HECTD3: variants seen among roughly 807,000 people sequenced by gnomAD.
HECTD3 encodes the protein E3 ubiquitin-protein ligase HECTD3.
A neutral mutation model predicts 109.3 loss-of-function variants in HECTD3; 72 were observed. The ratio of observed to expected loss-of-function variants is 0.66; its 90% CI spans 0.54 to 0.80. The LOEUF (loss-of-function observed/expected upper bound fraction) is 0.80, where lower values mean the gene tolerates loss of function less well. Among genes scored for constraint, HECTD3 ranks in the 30% least tolerant of loss-of-function variants. HECTD3 has a pLI of 0.00. For synonymous variants in HECTD3, 481 were observed against 471.8 expected (o/e 1.02, Z -0.25); for missense variants, 1,041 against 1,165.2 (o/e 0.89, Z 1.55).
At position 45,010,281 on chromosome 1, in the gene HECTD3, C is replaced by T. The variant is rs750995282; in HGVS notation, c.543G>A (p.Val181=). 15 of 1,613,822 alleles carry T rather than the reference C, an allele frequency of 9.3e-6. No individual in the cohort carries two copies. The highest frequency in any genetic ancestry group is 1.3e-5 in the African/African-American group (1 of 74,890). The change falls in exon 3 of 21, where the codon GTG becomes GTA. Residue 181 remains valine, a synonymous_variant. Coordinates refer to ENST00000372172, the MANE Select transcript of HECTD3 (RefSeq NM_024602.6). ...DYRPVLRWEQ[V]VDLTYSHRLG... Reference sequence around the variant, plus strand: ...GGCGATGTGAGTATGTCAGGTCCACCACCTGTTCCCACCTGTGGGCACAGA... The same window carrying T: ...GGCGATGTGAGTATGTCAGGTCCACTACCTGTTCCCACCTGTGGGCACAGA...
chr1:45,010,040 C>T lies in HECTD3; in HGVS notation c.705G>A (p.Glu235=). 1.3e-6 allele frequency: 2 copies of T among 1,563,238 alleles called. No individual in the cohort carries two copies. Among genetic ancestry groups the T allele is most frequent in the Non-Finnish European group, 1.7e-6 (2 of 1,150,818 alleles). ...CATACTGCTTCACGCTACCCAGGTT[C>T]TCATCCTCCTTGCCCAGGTGGTCAT... ...FLYDHLGKED[E]NLGSVKQYVE... Residue 235 remains glutamate (E), a synonymous_variant, in exon 4 of 21, where the codon GAG becomes GAA. Transcript: ENST00000372172.
chr1:45,009,782 T>G, intron 4 of HECTD3, 99 bp from the exon 5 acceptor site: 1 of 1,145,348 alleles, frequency 8.7e-7, no homozygotes, highest in Non-Finnish European at 1.3e-6. Flanking sequence ...CATAGTGAAG[T>G]TGGGCTAACA....
chr1:45,008,594 G>T lies in HECTD3; in HGVS notation c.1180C>A (p.Pro394Thr), dbSNP rs1644756820. ...LFQPTSLVRY[P>T]RLEGTDPEVL... is the part of the protein sequence containing the mutation. ...TCAGGGTCGGTGCCTTCTAGGCGTG[G>T]ATATCGCACCAGACTAGTTGGCTGG... The change falls in exon 8 of 21, where the codon CCA becomes ACA. Residue 394 changes from proline (P) to threonine (T), a missense_variant. This residue lies in a region of HECTD3 where 569 missense variants were observed against 715.3 expected (regional missense o/e 0.80). Coordinates refer to ENST00000372172, the MANE Select transcript of HECTD3 (RefSeq NM_024602.6). 6.2e-7 allele frequency: 1 copy of T among 1,613,926 alleles called. No homozygotes were observed. Among genetic ancestry groups the T allele is most frequent in the Non-Finnish European group, 8.5e-7 (1 of 1,179,976 alleles).
intron 8 of HECTD3, 84 bp downstream of exon 8, chr1:45,008,452 G>T: frequency 6.6e-7 from 1 of 1,526,624 alleles, no homozygotes; most frequent in Non-Finnish European, 9.1e-7. Context: ...TATACTATGA[G>T]ACCTTGGGAA....
chr1:45,007,142 G>T (rs1644742708), intron 11 of HECTD3, 77 bp downstream of exon 11: 1 of 1,431,098 alleles, frequency 7.0e-7, no homozygotes, highest in Non-Finnish European at 9.8e-7. Flanking sequence ...GTGTGTGTGT[G>T]TGTGTGTGTG....
At position 45,008,619 on chromosome 1, in the gene HECTD3, G is replaced by C. The variant is rs375823851; in HGVS notation, c.1155C>G (p.Phe385Leu). 6 of 1,613,844 alleles carry C rather than the reference G, an allele frequency of 3.7e-6. No homozygotes were observed. Among genetic ancestry groups the C allele is most frequent in the Non-Finnish European group, 3.4e-6 (4 of 1,179,920 alleles). The stretch of plus-strand genomic sequence containing the variant: ...GATATCGCACCAGACTAGTTGGCTG[G>C]AACAGGTCTGCATTCAACCCTAGTT... ...QRELGLNADLFQPTSLVRYPR... is the reference protein window; with the variant it reads ...QRELGLNADLLQPTSLVRYPR... The change falls in exon 8 of 21, where the codon TTC becomes TTG. Residue 385 changes from phenylalanine (F) to leucine (L), a missense_variant. Coordinates refer to ENST00000372172, the MANE Select transcript of HECTD3 (RefSeq NM_024602.6).
intron 11 of HECTD3, 96 bp downstream of exon 11, chr1:45,007,123 C>T: frequency 6.8e-7 from 1 of 1,471,454 alleles, no homozygotes; most frequent in East Asian, 2.3e-5. Flanking sequence ...GTGCCTCGAG[C>T]AGTTGTGTGT....
Position 45,007,273 on chromosome 1 carries a change from T to G in HECTD3, c.1504-2A>C. 2.5e-6 allele frequency: 4 copies of G among 1,613,182 alleles called. No homozygotes were observed. Among genetic ancestry groups the G allele is most frequent in the Non-Finnish European group, 3.4e-6 (4 of 1,179,460 alleles). On this transcript the variant is annotated splice_acceptor_variant, in intron 10 of 20. Coordinates refer to ENST00000372172, the MANE Select transcript of HECTD3 (RefSeq NM_024602.6). LOFTEE classifies it high-confidence loss of function. ...AGAGGGCTTGAGGCCTTCATATACC[T>G]GGAGGCAAGGAGGAAAGGAGTCATA... is the stretch of plus-strand genomic sequence containing the variant.
At position 45,003,988 on chromosome 1, in the gene HECTD3, A is replaced by G; in HGVS notation, c.2348-52T>C. On this transcript the variant is annotated intron_variant, in intron 18 of 20. Transcript: ENST00000372172. The surrounding 1 kb of genome is among the most constrained non-coding windows in gnomAD (Gnocchi z 4.7). ...GCATGGATGGTGAGGGAGGGTCTAC[A>G]ACTTCTACCCTGCCTCTGCAACTCA... 1.9e-6 allele frequency: 3 copies of G among 1,612,320 alleles called. No homozygotes were observed. Among genetic ancestry groups the G allele is most frequent in the Non-Finnish European group, 2.5e-6 (3 of 1,178,418 alleles).
Position 45,007,537 on chromosome 1 carries a change from A to G in HECTD3, c.1379T>C (p.Leu460Pro). The G allele has an allele frequency of 6.2e-7, 1 of 1,613,932 alleles. No individual in the cohort carries two copies. Among genetic ancestry groups the G allele is most frequent in the Non-Finnish European group, 8.5e-7 (1 of 1,180,000 alleles). Residue 460 changes from leucine (L) to proline (P), a missense_variant, in exon 10 of 21, where the codon CTG becomes CCG. By Grantham distance (98) the Leu-to-Pro change is moderately conservative. Around this residue, in one of 2 missense-constraint regions of HECTD3, gnomAD observed 569 missense variants for 715.3 expected, o/e 0.80. Coordinates refer to ENST00000372172, the MANE Select transcript of HECTD3 (RefSeq NM_024602.6). ...RQRPGLVAQC[L>P]RDSESSKPSF... ...GGGCTTGCTGCTCTCAGAGTCACGC[A>G]GGCACTGAGCCACCAGGCCTGGCCG...
At position 45,008,226 on chromosome 1, in the gene HECTD3, CTGGGTCGGCTCACCTTA is replaced by C. The variant is rs761822768; in HGVS notation, c.1317_1320+13del. The C allele has an allele frequency of 6.2e-7, 1 of 1,607,548 alleles. No individual in the cohort carries two copies. The highest frequency in any genetic ancestry group is 1.1e-5 in the South Asian group (1 of 90,862). ...GGGGAAATGCCAAGACCAGCACTGG[CTGGGTCGGCTCACCTTA>C]ATCTCACTGAAGGTGCCCAGTGTGT... On this transcript the variant is annotated splice_donor_variant and splice_donor_5th_base_variant and coding_sequence_variant and intron_variant, in exon 9 of 21. Coordinates refer to ENST00000372172, the MANE Select transcript of HECTD3 (RefSeq NM_024602.6). LOFTEE classifies it high-confidence loss of function.
At chr1:45,007,642 TCCGTCCAGGCC>T in intron 9 of HECTD3, 47 bp from the exon 10 acceptor site, 1 of 1,530,472 alleles carries the variant, frequency 6.5e-7, no homozygotes, top group Non-Finnish European at 8.9e-7. Context: ...GCAGTCAGCC[TCCGTCCAGGCC>T]CTGGAACTTT....
At chr1:45,008,429 C>T in intron 8 of HECTD3, 107 bp downstream of exon 8, 2 of 1,494,938 alleles carry the variant, frequency 1.3e-6, no homozygotes, top group Non-Finnish European at 1.9e-6. Flanking sequence ...GCTTCTCTGA[C>T]CCTTGAACAG....
intron 16 of HECTD3, 84 bp downstream of exon 16, chr1:45,004,516 G>GGCTTACAGGCTGTGT (rs2148976071): frequency 6.3e-7 from 1 of 1,590,458 alleles, no homozygotes; most frequent in South Asian, 1.1e-5. Context: ...GAGTACTGGT[G>GGCTTACAGGCTGTGT]GCTTACAGGC....
chr1:45,008,433 T>G (rs762364198), intron 8 of HECTD3, 103 bp downstream of exon 8: 1 of 1,502,120 alleles, frequency 6.7e-7, no homozygotes, highest in East Asian at 2.3e-5. Flanking sequence ...CTCTGACCCT[T>G]GAACAGCTTA....
At position 45,008,539 on chromosome 1, in the gene HECTD3, T is replaced by G. The variant is rs776052198; in HGVS notation, c.1235A>C (p.Gln412Pro). Residue 412 changes from glutamine to proline, a missense_variant, in exon 8 of 21, where the codon CAG becomes CCG. By Grantham distance (76) the Gln-to-Pro change is moderately conservative (BLOSUM62 -1). Transcript: ENST00000372172. ...EVLYRRAVLL[Q>P]RFIKILDSVL... is the part of the protein sequence containing the mutation. ...ATAGGTCCAGGACCACAGCCACCTC[T>G]GCAGGAGGACAGCTCTGCGGTACAG... is the stretch of plus-strand genomic sequence containing the variant. 1 of 1,612,886 alleles carries G rather than the reference T, an allele frequency of 6.2e-7. No individual in the cohort carries two copies. The highest frequency in any genetic ancestry group is 1.7e-5 in the Admixed American group (1 of 60,002).
At chr1:45,009,529 C>CA in intron 5 of HECTD3, 39 bp downstream of exon 5, 2 of 1,604,218 alleles carry the variant, frequency 1.2e-6, no homozygotes, top group Non-Finnish European at 1.7e-6. Flanking sequence ...CCCACAGGGA[C>CA]ATAGCCCACC....
chr1:45,005,941 C>G (rs997853739), intron 14 of HECTD3, 56 bp downstream of exon 14: 1 of 1,606,612 alleles, frequency 6.2e-7, no homozygotes, highest in African/African-American at 1.3e-5. Context: ...GTTTGGCTGG[C>G]CTTTCCTTCC....
Position 45,009,671 on chromosome 1 carries a change from C to T in HECTD3, c.772G>A (p.Val258Met), listed in dbSNP as rs777139726. The change falls in exon 5 of 21, where the codon GTG becomes ATG. Residue 258 changes from valine to methionine, a missense_variant. Physicochemically the swap from Val to Met is conservative, Grantham distance 21. Around this residue, in one of 2 missense-constraint regions of HECTD3, gnomAD observed 472 missense variants for 449.9 expected, o/e 1.05. Transcript: ENST00000372172. ...GCATTGCTGTCTGTCAGGCAGGACA[C>T]GTTGAACTCCTCCTGGGGAGGGGCA... is the stretch of plus-strand genomic sequence containing the variant. ...DVSSYTEEFN[V>M]SCLTDSNADT... 22 of 1,613,390 alleles carry T rather than the reference C, an allele frequency of 1.4e-5. No homozygotes were observed. In the Admixed American group the frequency reaches 2.8e-4, roughly 21 times the overall value.
Sources: allele counts gnomAD v4.1 joint callset, GRCh38; gene constraint gnomAD v4.1.1; regional missense constraint gnomAD v4.1.1; non-coding constraint Gnocchi (gnomAD v3.1); transcripts MANE v1.5; gene names NCBI Gene and HGNC (gene_info 2026-07-23, HGNC 2026-07-21).